Variants in GALNT13 observed in about 807,000 individuals in gnomAD.
The protein encoded by GALNT13 is polypeptide N-acetylgalactosaminyltransferase 13, also known as UDP-GalNAc:polypeptide N-acetylgalactosaminyltransferase 13.
GALNT13 carries 28 observed loss-of-function variants against 64.2 expected under a neutral mutation model. That is an observed-to-expected ratio of 0.44 (90% confidence interval 0.32 to 0.60). The LOEUF is 0.60. GALNT13 is among the 20% of genes least tolerant of loss of function. The probability of loss-of-function intolerance (pLI) is 0.05; values close to 1 mark genes in which losing one functional copy is unlikely to be tolerated. For synonymous variants in GALNT13, 214 were observed against 224.6 expected (o/e 0.95, Z 0.42); for missense variants, 577 against 669.8 (o/e 0.86, Z 1.53).
chr2:153,910,899 T>A (rs549996495), intron 2 of GALNT13, among the ~76,000 whole-genome samples: 1 of 152,198 alleles, frequency 6.6e-6, no homozygotes, highest in African/African-American at 2.4e-5. Flanking sequence ...GTATATTCTG[T>A]TGTTTTTGGA....
At chr2:153,777,740 C>G in the GALNT13 span, among the ~76,000 whole-genome samples, 1 of 152,232 alleles carries the variant, frequency 6.6e-6, no homozygotes, top group African/African-American at 2.4e-5. Flanking sequence ...GGCTTTGAGA[C>G]CACAGCAGTG....
At chr2:153,392,058 TTA>T in the GALNT13 span, among the ~76,000 whole-genome samples, 1 of 148,460 alleles carries the variant, frequency 6.7e-6, no homozygotes, top group African/African-American at 2.4e-5. Flanking sequence ...TATATGTGAT[TTA>T]TATATTTATA....
chr2:153,555,188 T>C, the GALNT13 span, among the ~76,000 whole-genome samples: 1 of 139,816 alleles, frequency 7.2e-6, no homozygotes, highest in Non-Finnish European at 1.6e-5. Context: ...ACAGAAGCTT[T>C]ACTTTTTTTT....
At chr2:153,473,651 G>A in the GALNT13 span, among the ~76,000 whole-genome samples, 2 of 152,294 alleles carry the variant, frequency 1.3e-5, no homozygotes, top group South Asian at 2.1e-4. Flanking sequence ...GCTTCCACAG[G>A]CTTTCAAATT....
the GALNT13 span, among the ~76,000 whole-genome samples, chr2:153,168,883 G>T: frequency 1.3e-5 from 2 of 152,044 alleles, no homozygotes; most frequent in African/African-American, 4.8e-5. Context: ...TTTTTCCTGT[G>T]CTTCCAGATT....
At chr2:154,119,464 C>T (rs1163694762) in intron 3 of GALNT13, among the ~76,000 whole-genome samples, 1 of 152,168 alleles carries the variant, frequency 6.6e-6, no homozygotes, top group Non-Finnish European at 1.5e-5. Flanking sequence ...GAGTTTACAT[C>T]TATCCTTAGA....
intron 4 of GALNT13, among the ~76,000 whole-genome samples, chr2:154,157,842 C>T (rs1684511995): frequency 6.6e-6 from 1 of 152,158 alleles, no homozygotes; most frequent in African/African-American, 2.4e-5. Context: ...CATAATTTGA[C>T]ATGGTTGATT....
the GALNT13 span, among the ~76,000 whole-genome samples, chr2:153,830,863 G>A: frequency 6.6e-5 from 10 of 151,948 alleles, no homozygotes; most frequent in East Asian, 5.8e-4. Context: ...ATGTGTTTAC[G>A]TATTCTTTCC....
At chr2:154,283,572 C>T (rs1187979352) in intron 8 of GALNT13, among the ~76,000 whole-genome samples, 3 of 89,432 alleles carry the variant, frequency 3.4e-5, no homozygotes, top group Admixed American at 1.3e-4. Context: ...AGCGAGACTC[C>T]GTCTCAAAAA....
At chr2:154,290,386 T>C (rs913551695) in intron 8 of GALNT13, among the ~76,000 whole-genome samples, 1 of 152,232 alleles carries the variant, frequency 6.6e-6, no homozygotes, top group Admixed American at 6.5e-5. Context: ...CCCACTCTCC[T>C]GTTAAGGCAA....
At chr2:153,454,968 T>G in the GALNT13 span, among the ~76,000 whole-genome samples, 1 of 152,342 alleles carries the variant, frequency 6.6e-6, no homozygotes, top group African/African-American at 2.4e-5. Flanking sequence ...AGGTGTGTAG[T>G]ATGGTTGCAT....
At chr2:153,137,121 G>T in the GALNT13 span, among the ~76,000 whole-genome samples, 1 of 152,040 alleles carries the variant, frequency 6.6e-6, no homozygotes, top group Non-Finnish European at 1.5e-5. Flanking sequence ...CAAAATAATT[G>T]CAGGGATGGA....
the GALNT13 span, among the ~76,000 whole-genome samples, chr2:153,373,602 C>T: frequency 6.6e-6 from 1 of 152,222 alleles, no homozygotes; most frequent in South Asian, 2.1e-4. Flanking sequence ...TTTACTACTT[C>T]ACCCACTTTT....
the GALNT13 span, among the ~76,000 whole-genome samples, chr2:153,845,916 A>G: frequency 1.3e-5 from 2 of 152,216 alleles, no homozygotes; most frequent in Non-Finnish European, 2.9e-5. Flanking sequence ...TGGTTTCTCA[A>G]CAGAGATGAA....
the GALNT13 span, among the ~76,000 whole-genome samples, chr2:153,701,095 T>C: frequency 1.3e-5 from 2 of 152,278 alleles, no homozygotes; most frequent in South Asian, 2.1e-4. Flanking sequence ...CTTCAACCTA[T>C]ACCTCAAGGC....
the GALNT13 span, among the ~76,000 whole-genome samples, chr2:153,265,205 C>G: frequency 6.6e-6 from 1 of 152,158 alleles, no homozygotes; most frequent in Non-Finnish European, 1.5e-5. Flanking sequence ...TCATATTTCC[C>G]CCATGTCCAT....
chr2:153,526,396 C>A, the GALNT13 span, among the ~76,000 whole-genome samples: 1 of 152,054 alleles, frequency 6.6e-6, no homozygotes, highest in African/African-American at 2.4e-5. Context: ...GGGAAGAGAA[C>A]AAGACTCTCT....
the GALNT13 span, among the ~76,000 whole-genome samples, chr2:153,795,520 G>A: frequency 9.9e-5 from 15 of 151,400 alleles, no homozygotes; most frequent in African/African-American, 3.7e-4. Flanking sequence ...ATCCCAGCTA[G>A]GTACTTTTTT....
At chr2:153,999,139 A>T (rs1003432382) in intron 3 of GALNT13, among the ~76,000 whole-genome samples, 1 of 152,168 alleles carries the variant, frequency 6.6e-6, no homozygotes, top group Admixed American at 6.6e-5. Flanking sequence ...ATGCCACTTG[A>T]CTTCAAACTA....
Sources: allele counts gnomAD v4.1 joint callset (sites outside exome capture counted in the v4.1 genomes callset), GRCh38; gene constraint gnomAD v4.1.1; transcripts MANE v1.5; gene names NCBI Gene and HGNC (gene_info 2026-07-23, HGNC 2026-07-21).